Variants in MYCBP2 observed in about 807,000 individuals in gnomAD.
The protein encoded by MYCBP2 is E3 ubiquitin-protein ligase MYCBP2.
Under a neutral mutation model 525.3 loss-of-function variants are expected in MYCBP2, and 120 were observed. That is an observed-to-expected ratio of 0.23 (90% CI 0.20 to 0.27). The LOEUF (loss-of-function observed/expected upper bound fraction) is 0.27, where lower values mean the gene tolerates loss of function less well. Among genes scored for constraint, MYCBP2 ranks in the 10% least tolerant of loss-of-function variants. The probability of loss-of-function intolerance (pLI) is 1.00; values close to 1 mark genes in which losing one functional copy is unlikely to be tolerated. For missense variants in MYCBP2, 4,149 were observed against 5,657.1 expected, an observed-to-expected ratio of 0.73 and a Z score of 8.55; for synonymous variants, 1,894 against 1,955.8, an observed-to-expected ratio of 0.97 and a Z score of 0.83.
At position 77,086,072 on chromosome 13, in the gene MYCBP2, T is replaced by C. The variant is rs141687157; in HGVS notation, c.10875+1412A>G. On this transcript the variant is annotated intron_variant, in intron 62 of 82. Coordinates refer to ENST00000544440, the MANE Select transcript of MYCBP2 (RefSeq NM_015057.5). ...TTTGTACATCACCATGACATATCAT[T>C]ACTTTTTACATAGTCAATGTTTTTT... 5.8e-3 allele frequency among the ~76,000 whole-genome samples: 881 copies of C among 152,318 alleles called. 3 individuals carry two copies. The highest frequency in any genetic ancestry group is 9.1e-3 in the Non-Finnish European group (619 of 68,028).
chr13:77,276,567 G>A (rs112557299), intron 4 of MYCBP2, among the ~76,000 whole-genome samples: 7 of 152,114 alleles, frequency 4.6e-5, no homozygotes, highest in Non-Finnish European at 7.4e-5. Context: ...GAAGACAGAC[G>A]AAAGGCAGTA....
chr13:77,071,885 T>G (rs1445645751), intron 68 of MYCBP2, among the ~76,000 whole-genome samples: 1 of 152,204 alleles, frequency 6.6e-6, no homozygotes, highest in Non-Finnish European at 1.5e-5. Context: ...CAATACAGTT[T>G]GACCACAATG....
chr13:77,116,747 CAAT>C (rs1226747422), intron 55 of MYCBP2, among the ~76,000 whole-genome samples: 1 of 151,956 alleles, frequency 6.6e-6, no homozygotes, highest in Non-Finnish European at 1.5e-5. Context: ...TATATTGACA[CAAT>C]GTCACCTAGA....
chr13:77,176,393 A>T, intron 36 of MYCBP2, 104 bp downstream of exon 36: 1 of 964,730 alleles, frequency 1.0e-6, no homozygotes, highest in Non-Finnish European at 1.4e-6. Flanking sequence ...AGGATAACTT[A>T]CAAATAGCTA....
chr13:77,049,759 G>A (rs529787597), intron 82 of MYCBP2, among the ~76,000 whole-genome samples: 22 of 152,000 alleles, frequency 1.4e-4, no homozygotes, highest in African/African-American at 3.9e-4. Context: ...CCTCAGCCTC[G>A]TGAGTAGCTC....
chr13:77,103,174 A>G (rs2047336876), intron 55 of MYCBP2: 2 of 397,350 alleles, frequency 5.0e-6, no homozygotes. Flanking sequence ...TATGTTCATT[A>G]AGAATGGCCC....
chr13:77,190,769 T>G (rs576528044), intron 28 of MYCBP2, among the ~76,000 whole-genome samples: 2 of 152,210 alleles, frequency 1.3e-5, no homozygotes, highest in Non-Finnish European at 2.9e-5. Flanking sequence ...CATTCTTAAG[T>G]TGATGCACAT....
chr13:77,081,468 G>T lies in MYCBP2; in HGVS notation c.11377C>A (p.Arg3793Ser). The T allele has an allele frequency of 1.2e-6, 2 of 1,612,550 alleles. No homozygotes were observed. Among genetic ancestry groups the T allele is most frequent in the Non-Finnish European group, 1.7e-6 (2 of 1,179,772 alleles). The change falls in exon 65 of 83, where the codon CGC becomes AGC. Residue 3793 changes from arginine to serine, a missense_variant. This residue lies in a region of MYCBP2 where 509 missense variants were observed against 789.4 expected (regional missense o/e 0.64). Coordinates refer to ENST00000544440, the MANE Select transcript of MYCBP2 (RefSeq NM_015057.5). This position sits in a 1 kb window ranked among gnomAD's most constrained non-coding sequence, Gnocchi z 4.6. ...TTGTCCACGTGAACAGACACATAGC[G>T]GGCATTGATTCCTTTTACACAGTTG... is the stretch of plus-strand genomic sequence containing the variant. Reference protein sequence around the residue: ...TINCVKGINARYVSVHVDNSR... With the variant: ...TINCVKGINASYVSVHVDNSR...
At position 77,098,690 on chromosome 13, in the gene MYCBP2, G is replaced by T. The variant is rs1167274614; in HGVS notation, c.8464C>A (p.Pro2822Thr). The change falls in exon 56 of 83, where the codon CCT (proline) becomes ACT (threonine). Residue 2822 changes from proline to threonine, a missense_variant. Physicochemically the swap from Pro to Thr is conservative, Grantham distance 38. This residue lies in a region of MYCBP2 where 653 missense variants were observed against 744.7 expected (regional missense o/e 0.88). Transcript: ENST00000544440. ...TTGGCTGGGAGAGTCTTTGGCTTAG[G>T]AGATGACAACCGAGAACCTGGTCCT... ...SPGPGSRLSS[P>T]KPKTLPANRS... The T allele has an allele frequency of 6.2e-7, 1 of 1,613,412 alleles. No homozygotes were observed. The highest frequency in any genetic ancestry group is 8.5e-7 in the Non-Finnish European group (1 of 1,179,778).
At chr13:77,321,644 G>C (rs1340633363) in intron 1 of MYCBP2, among the ~76,000 whole-genome samples, 1 of 152,150 alleles carries the variant, frequency 6.6e-6, no homozygotes, top group Non-Finnish European at 1.5e-5. Flanking sequence ...AATTCCTACT[G>C]TTACCTACAT....
chr13:77,101,116 T>C (rs1189825151), intron 55 of MYCBP2, among the ~76,000 whole-genome samples: 1 of 152,098 alleles, frequency 6.6e-6, no homozygotes, highest in Non-Finnish European at 1.5e-5. Context: ...TGGAGACATG[T>C]TTATCACCTT....
At chr13:77,254,999 T>C (rs2071915240) in intron 14 of MYCBP2, among the ~76,000 whole-genome samples, 1 of 152,070 alleles carries the variant, frequency 6.6e-6, no homozygotes. Context: ...CATTCATCTG[T>C]TGATGGATAC....
rs1594290384 is a variant in MYCBP2, at chr13:77,077,032, T to C, written c.11724+116A>G. 2.8e-6 allele frequency: 4 copies of C among 1,408,894 alleles called. No individual in the cohort carries two copies. The East Asian group carries it at 9.5e-5, about 33-fold the overall frequency. The allele number at this position is 1,408,894 out of a possible 1,614,324, so 87.3% of individuals were successfully genotyped here. On this transcript the variant is annotated intron_variant, in intron 67 of 82. Transcript: ENST00000544440. ...TGTTTAGGGCTATGAAAAGAAAAAA[T>C]GGGCAACATTTATAGCCAGAAATTT...
chr13:77,125,556 T>G, intron 53 of MYCBP2, 88 bp from the exon 54 acceptor site: 1 of 1,415,088 alleles, frequency 7.1e-7, no homozygotes, highest in Non-Finnish European at 9.8e-7. Context: ...CGTGTCTGAA[T>G]AGTGTAATCA....
intron 2 of MYCBP2, among the ~76,000 whole-genome samples, chr13:77,295,099 A>G (rs894023092): frequency 6.6e-6 from 1 of 152,156 alleles, no homozygotes; most frequent in Non-Finnish European, 1.5e-5. Flanking sequence ...AGAGGAAGGC[A>G]GAAGCAAGAG....
intron 42 of MYCBP2, among the ~76,000 whole-genome samples, chr13:77,164,869 G>A (rs2058354411): frequency 6.6e-6 from 1 of 152,154 alleles, no homozygotes; most frequent in Admixed American, 6.5e-5. Flanking sequence ...TGTTTACTCA[G>A]AAAGGTATAG....
chr13:77,261,373 T>C lies in MYCBP2; in HGVS notation c.1650A>G (p.Ile550Met), dbSNP rs144890507. Residue 550 changes from isoleucine (I) to methionine (M), a missense_variant and splice_region_variant, in exon 12 of 83, where the codon ATA (isoleucine) becomes ATG (methionine). Ile to Met is a conservative substitution (Grantham distance 10, BLOSUM62 1). This residue lies in a region of MYCBP2 where 262 missense variants were observed against 419.3 expected (regional missense o/e 0.62). Transcript: ENST00000544440. ...FALMKTANGKIYYTGKYQSLG... is the reference protein window; with the variant it reads ...FALMKTANGKMYYTGKYQSLG... The stretch of plus-strand genomic sequence containing the variant: ...GACTCTGGTATTTGCCAGTGTAATA[T>C]ATCTTATGTATTAAAAAAAAAAAGG... 1.7e-5 allele frequency: 26 copies of C among 1,562,908 alleles called. No homozygotes were observed. In the African/African-American group the frequency reaches 3.1e-4, roughly 18 times the overall value.
At chr13:77,318,973 T>C (rs534130263) in intron 1 of MYCBP2, among the ~76,000 whole-genome samples, 1 of 152,328 alleles carries the variant, frequency 6.6e-6, no homozygotes, top group East Asian at 1.9e-4. Context: ...CATGAGCTAA[T>C]GTCAAAACCG....
chr13:77,295,383 C>T (rs1409979117), intron 2 of MYCBP2, among the ~76,000 whole-genome samples: 1 of 152,148 alleles, frequency 6.6e-6, no homozygotes, highest in Non-Finnish European at 1.5e-5. Context: ...CTGCCAGCCT[C>T]GGCCTCCCAA....
Sources: gnomAD v4.1 joint callset for allele counts (sites outside exome capture counted in the v4.1 genomes callset) on GRCh38, gnomAD v4.1.1 for gene constraint, gnomAD v4.1.1 regional missense constraint, Gnocchi (gnomAD v3.1) non-coding constraint, MANE v1.5 for transcripts, NCBI Gene and HGNC (gene_info 2026-07-23, HGNC 2026-07-21) for gene names.